The following TMEM117 variants were observed in gnomAD, a reference collection of about 807,000 sequenced individuals.
The protein encoded by TMEM117 is transmembrane protein 117.
TMEM117 carries 27 observed loss-of-function variants against 52.4 expected under a neutral mutation model. The observed-to-expected ratio is 0.51, with a 90% CI of 0.38 to 0.71. The LOEUF (loss-of-function observed/expected upper bound fraction) is 0.71. Among genes scored for constraint, TMEM117 ranks in the 30% least tolerant of loss-of-function variants. The probability of loss-of-function intolerance (pLI) is 0.00; values close to 1 mark genes in which losing one functional copy is unlikely to be tolerated. For missense variants in TMEM117, 556 were observed against 630.5 expected (o/e 0.88, Z 1.26); for synonymous variants, 215 against 206.3 (o/e 1.04, Z -0.36).
At chr12:43,938,241 T>TTATTATA (rs920375828) in intron 2 of TMEM117, among the ~76,000 whole-genome samples, 8 of 147,888 alleles carry the variant, frequency 5.4e-5, no homozygotes, top group African/African-American at 1.5e-4. Flanking sequence ...ATATTATATA[T>TTATTATA]TATTATATAT....
intron 5 of TMEM117, among the ~76,000 whole-genome samples, chr12:44,247,434 T>C (rs1243713953): frequency 6.6e-6 from 1 of 152,256 alleles, no homozygotes; most frequent in Non-Finnish European, 1.5e-5. Context: ...TTGTTTTATT[T>C]TTAAATTTAT....
At chr12:44,047,233 C>T (rs999624229) in intron 3 of TMEM117, among the ~76,000 whole-genome samples, 2 of 151,926 alleles carry the variant, frequency 1.3e-5, no homozygotes, top group Admixed American at 1.3e-4. Flanking sequence ...GTCTTTGATT[C>T]TGTTATTTTT....
At chr12:44,223,159 C>T (rs1199636302) in intron 5 of TMEM117, among the ~76,000 whole-genome samples, 1 of 151,880 alleles carries the variant, frequency 6.6e-6, no homozygotes, top group Admixed American at 6.6e-5. Flanking sequence ...GGTATTAAGC[C>T]TAGTATCCAT....
intron 2 of TMEM117, among the ~76,000 whole-genome samples, chr12:43,848,097 C>G (rs1345223880): frequency 6.6e-6 from 1 of 151,932 alleles, no homozygotes; most frequent in African/African-American, 2.4e-5. Flanking sequence ...AAGGGTCTAA[C>G]AAAGGTCACA....
chr12:43,969,010 C>T (rs947682609), intron 3 of TMEM117, among the ~76,000 whole-genome samples: 4 of 149,008 alleles, frequency 2.7e-5, no homozygotes, highest in South Asian at 4.2e-4. Flanking sequence ...ATATTGTAAG[C>T]GGAAATATAA....
At chr12:44,194,347 G>A (rs1421099326) in intron 4 of TMEM117, among the ~76,000 whole-genome samples, 1 of 152,156 alleles carries the variant, frequency 6.6e-6, no homozygotes, top group Non-Finnish European at 1.5e-5. Flanking sequence ...TTGGGAAGGA[G>A]GGTTAAATAA....
At chr12:44,009,451 G>T in intron 3 of TMEM117, 1 of 214,942 alleles carries the variant, frequency 4.7e-6, no homozygotes, top group Admixed American at 5.8e-5. Context: ...GCAAACTCTG[G>T]GACTCAGGCA....
At chr12:44,354,454 A>G (rs909010452) in intron 6 of TMEM117, among the ~76,000 whole-genome samples, 3 of 152,124 alleles carry the variant, frequency 2.0e-5, no homozygotes, top group African/African-American at 7.2e-5. Flanking sequence ...GCAGCACATC[A>G]AAAAGCTTAT....
At chr12:44,379,903 TGAC>T (rs1951996653) in intron 7 of TMEM117, among the ~76,000 whole-genome samples, 1 of 152,142 alleles carries the variant, frequency 6.6e-6, no homozygotes, top group African/African-American at 2.4e-5. Context: ...CGTCAGGGGA[TGAC>T]AAACGTTAAT....
chr12:43,843,590 T>C (rs1943150585), intron 1 of TMEM117, among the ~76,000 whole-genome samples: 1 of 152,242 alleles, frequency 6.6e-6, no homozygotes, highest in Admixed American at 6.5e-5. Flanking sequence ...ATTACATATT[T>C]TGCAGTGCTC....
intron 2 of TMEM117, among the ~76,000 whole-genome samples, chr12:43,857,317 T>TA (rs1390412638): frequency 6.6e-6 from 1 of 150,594 alleles, no homozygotes; most frequent in Admixed American, 6.6e-5. Flanking sequence ...TAGGTACTTT[T>TA]TTTTTTTTTT....
chr12:44,150,191 A>G (rs1347015511), intron 4 of TMEM117, among the ~76,000 whole-genome samples: 2 of 152,202 alleles, frequency 1.3e-5, no homozygotes, highest in Non-Finnish European at 2.9e-5. Context: ...TTAATACACT[A>G]TCTTTCTATA....
At chr12:43,818,824 C>G in the TMEM117 span, among the ~76,000 whole-genome samples, 1 of 152,090 alleles carries the variant, frequency 6.6e-6, no homozygotes, top group African/African-American at 2.4e-5. Flanking sequence ...TTAATGGAGT[C>G]AGAAATAGAA....
At chr12:43,955,900 C>T (rs1052589171) in intron 3 of TMEM117, among the ~76,000 whole-genome samples, 1 of 152,108 alleles carries the variant, frequency 6.6e-6, no homozygotes, top group African/African-American at 2.4e-5. Flanking sequence ...CTTACTACAA[C>T]ACCACAGTAA....
chr12:44,201,955 G>GAT (rs1565585324), intron 4 of TMEM117, among the ~76,000 whole-genome samples: 1 of 151,466 alleles, frequency 6.6e-6, no homozygotes, highest in Non-Finnish European at 1.5e-5. Context: ...GATATCATGT[G>GAT]GTATCTTTAT....
intron 5 of TMEM117, among the ~76,000 whole-genome samples, chr12:44,265,675 A>G (rs148429968): frequency 6.6e-6 from 1 of 152,228 alleles, no homozygotes; most frequent in East Asian, 1.9e-4. Context: ...CTTTCATAAT[A>G]CTGTACAACC....
intron 5 of TMEM117, among the ~76,000 whole-genome samples, chr12:44,288,867 A>G (rs1183851211): frequency 6.6e-6 from 1 of 152,136 alleles, no homozygotes; most frequent in Non-Finnish European, 1.5e-5. Flanking sequence ...GTATGTATGC[A>G]TGTGGTGAAG....
chr12:43,876,468 A>T (rs1943797466), intron 2 of TMEM117, among the ~76,000 whole-genome samples: 1 of 152,312 alleles, frequency 6.6e-6, no homozygotes, highest in Admixed American at 6.5e-5. Context: ...CAGATGGAGG[A>T]TAAGAGGATG....
intron 3 of TMEM117, among the ~76,000 whole-genome samples, chr12:43,985,659 G>T (rs1945836831): frequency 6.6e-6 from 1 of 152,156 alleles, no homozygotes. Context: ...TATAATTAGT[G>T]TCAGATATGT....
Sources: gnomAD v4.1 joint callset for allele counts (sites outside exome capture counted in the v4.1 genomes callset) on GRCh38, gnomAD v4.1.1 for gene constraint, MANE v1.5 for transcripts, NCBI Gene and HGNC (gene_info 2026-07-23, HGNC 2026-07-21) for gene names.